UBR4: variants seen among roughly 807,000 people sequenced by gnomAD.
UBR4 encodes E3 ubiquitin-protein ligase UBR4.
Under a neutral mutation model 575.6 loss-of-function variants are expected in UBR4, and 124 were observed. That is an observed-to-expected ratio of 0.22 (90% confidence interval 0.19 to 0.25). The LOEUF (loss-of-function observed/expected upper bound fraction) is 0.25, where lower values mean the gene tolerates loss of function less well. UBR4 is among the 10% of genes least tolerant of loss of function. UBR4 has a pLI of 1.00. For missense variants in UBR4, 4,818 were observed against 6,478.8 expected, an observed-to-expected ratio of 0.74 and a Z score of 8.80; for synonymous variants, 2,455 against 2,473.7, an observed-to-expected ratio of 0.99 and a Z score of 0.22.
Position 19,138,069 on chromosome 1 carries a change from C to T in UBR4, c.8844G>A (p.Glu2948=). The T allele has an allele frequency of 1.3e-6, 2 of 1,596,746 alleles. No individual in the cohort carries two copies. The highest frequency in any genetic ancestry group is 1.1e-5 in the South Asian group (1 of 87,944). Residue 2948 remains glutamate (E), a synonymous_variant, in exon 60 of 106, where the codon GAG becomes GAA. Coordinates refer to ENST00000375254, the MANE Select transcript of UBR4 (RefSeq NM_020765.3). Reference sequence around the variant, plus strand: ...CTCCTTCTCCCTCGGAGCCATCTCCCTCCTGGTGCCCAGTGGTGGTGCTGA... The same window carrying T: ...CTCCTTCTCCCTCGGAGCCATCTCCTTCCTGGTGCCCAGTGGTGGTGCTGA... ...GAISTTTGHQ[E]GDGSEGEGEG...
intron 87 of UBR4, among the ~76,000 whole-genome samples, chr1:19,103,137 T>A (rs1012801701): frequency 1.8e-4 from 27 of 152,116 alleles, no homozygotes; most frequent in African/African-American, 6.3e-4. Context: ...TCAAAACTCA[T>A]AAAACACAAC....
chr1:19,095,762 T>C, intron 92 of UBR4, 110 bp from the exon 93 acceptor site: 1 of 956,106 alleles, frequency 1.0e-6, no homozygotes, highest in East Asian at 2.6e-5. Flanking sequence ...CAGGGGCTCC[T>C]CCTGAAATGA....
At position 19,081,412 on chromosome 1, in the gene UBR4, T is replaced by G. The variant is rs762532239; in HGVS notation, c.15170A>C (p.Glu5057Ala). The G allele has an allele frequency of 6.9e-5, 112 of 1,613,668 alleles. No homozygotes were observed. Among genetic ancestry groups the G allele is most frequent in the Middle Eastern group, 3.3e-4 (2 of 6,082 alleles). The change falls in exon 103 of 106, where the codon GAA (glutamate) becomes GCA (alanine). Residue 5057 changes from glutamate to alanine, a missense_variant. Glu to Ala is a moderately radical substitution (Grantham distance 107). This residue lies in a region of UBR4 where 212 missense variants were observed against 221.3 expected (regional missense o/e 0.96). Transcript: ENST00000375254. ...PPEQWRATRVEILRRLLVTSQ... is the reference protein window; with the variant it reads ...PPEQWRATRVAILRRLLVTSQ... ...GGTCACCAACAGCCTCCGCAAGATT[T>G]CCACACGTGTGGCTCTCCACTGCTC...
intron 34 of UBR4, among the ~76,000 whole-genome samples, chr1:19,163,061 G>T (rs1357250368): frequency 6.6e-6 from 1 of 152,106 alleles, no homozygotes; most frequent in Non-Finnish European, 1.5e-5. Context: ...GAAATCAAGA[G>T]AAAAAAATTC....
At position 19,192,203 on chromosome 1, in the gene UBR4, A is replaced by G; in HGVS notation, c.1379T>C (p.Leu460Pro). 1 of 1,613,814 alleles carries G rather than the reference A, an allele frequency of 6.2e-7. No individual in the cohort carries two copies. The change falls in exon 11 of 106, where the codon CTG (leucine) becomes CCG (proline). Residue 460 changes from leucine to proline, a missense_variant. Physicochemically the swap from Leu to Pro is moderately conservative, Grantham distance 98 (BLOSUM62 -3). Around this residue, in one of 29 missense-constraint regions of UBR4, gnomAD observed 162 missense variants for 216.4 expected, o/e 0.75. Transcript: ENST00000375254. ...RTKEGVGSPK[L>P]GPGKGHQGFG... Reference sequence around the variant, plus strand: ...AGACACATACCCTTTTCCAGGCCCCAGTTTAGGGGAGCCCACTCCCTCTTT... The same window carrying G: ...AGACACATACCCTTTTCCAGGCCCCGGTTTAGGGGAGCCCACTCCCTCTTT...
At position 19,110,102 on chromosome 1, in the gene UBR4, C is replaced by T. The variant is rs2079679243; in HGVS notation, c.12099G>A (p.Lys4033=). Reference sequence around the variant, plus strand: ...CCCCTGCTTGGCCCAGTACCTTGTTCTTCTTGCTAGTGGGAGCAGGTGGTT... The same window carrying T: ...CCCCTGCTTGGCCCAGTACCTTGTTTTTCTTGCTAGTGGGAGCAGGTGGTT... The part of the protein sequence containing the change: ...LIKPPAPTSK[K]NKDVPVEALT... Residue 4033 remains lysine (K), a synonymous_variant, in exon 81 of 106, where the codon AAG becomes AAA. Coordinates refer to ENST00000375254, the MANE Select transcript of UBR4 (RefSeq NM_020765.3). The surrounding 1 kb of genome is among the most constrained non-coding windows in gnomAD (Gnocchi z 4.5). 1 of 1,614,102 alleles carries T rather than the reference C, an allele frequency of 6.2e-7. No individual in the cohort carries two copies. The highest frequency in any genetic ancestry group is 8.5e-7 in the Non-Finnish European group (1 of 1,180,014).
At position 19,192,227 on chromosome 1, in the gene UBR4, TTAG is replaced by T. The variant is rs1186371800; in HGVS notation, c.1352_1354del (p.Thr451del). 6.2e-7 allele frequency: 1 copy of T among 1,614,182 alleles called. No homozygotes were observed. ...CAGTTTAGGGGAGCCCACTCCCTCT[TTAG>T]TACGAGAAAGGATGTCTCTGACTCG... is the stretch of plus-strand genomic sequence containing the variant. On this transcript the variant is annotated inframe_deletion, in exon 11 of 106. Transcript: ENST00000375254.
chr1:19,175,104 A>G (rs2090081740), intron 20 of UBR4, 71 bp from the exon 21 acceptor site: 8 of 1,376,612 alleles, frequency 5.8e-6, no homozygotes, highest in Non-Finnish European at 8.1e-6. Flanking sequence ...GCAATGTAAA[A>G]CTCAGAAAAT....
At chr1:19,081,162 A>G in intron 103 of UBR4, 187 bp downstream of exon 103, 1 of 569,930 alleles carries the variant, frequency 1.8e-6, no homozygotes, top group Non-Finnish European at 3.1e-6. Flanking sequence ...AAACCCAGAA[A>G]TGACCAGGCA....
At chr1:19,131,872 T>C (rs1262850215) in intron 60 of UBR4, among the ~76,000 whole-genome samples, 1 of 152,112 alleles carries the variant, frequency 6.6e-6, no homozygotes, top group Non-Finnish European at 1.5e-5. Context: ...AAACTACGTC[T>C]GAAAAAACAA....
chr1:19,183,956 T>C (rs2091275655), intron 16 of UBR4, 60 bp from the exon 17 acceptor site: 1 of 1,613,770 alleles, frequency 6.2e-7, no homozygotes, highest in African/African-American at 1.3e-5. Flanking sequence ...CACACCTCCC[T>C]GCCAACAGCC....
At chr1:19,115,900 T>C (rs1487864589) in intron 73 of UBR4, among the ~76,000 whole-genome samples, 1 of 152,158 alleles carries the variant, frequency 6.6e-6, no homozygotes, top group Non-Finnish European at 1.5e-5. Context: ...ACAACAGAAG[T>C]ATATAACAAG....
chr1:19,105,880 G>T (rs1300051579), intron 83 of UBR4, 38 bp from the exon 84 acceptor site: 1 of 1,479,592 alleles, frequency 6.8e-7, no homozygotes, highest in Non-Finnish European at 9.0e-7. Flanking sequence ...TAGACTCAGA[G>T]GATGCCCTGC....
chr1:19,150,846 C>A, intron 48 of UBR4, 53 bp from the exon 49 acceptor site: 1 of 1,584,362 alleles, frequency 6.3e-7, no homozygotes, highest in South Asian at 1.1e-5. Context: ...AAAGCCACCC[C>A]TCCAAAGCAA....
At chr1:19,185,016 A>T in intron 15 of UBR4, 83 bp downstream of exon 15, 1 of 1,547,086 alleles carries the variant, frequency 6.5e-7, no homozygotes, top group South Asian at 1.1e-5. Flanking sequence ...CAAGCCACAA[A>T]ATGTTTGCAT....
intron 9 of UBR4, 101 bp downstream of exon 9, chr1:19,193,332 A>C (rs1210506948): frequency 1.3e-6 from 2 of 1,499,608 alleles, no homozygotes; most frequent in Admixed American, 1.9e-5. Flanking sequence ...TAGTGTGGAG[A>C]ATACTCTAAG....
chr1:19,194,947 T>TTAAA (rs1049668421), intron 8 of UBR4, among the ~76,000 whole-genome samples: 28 of 151,038 alleles, frequency 1.9e-4, no homozygotes, highest in Non-Finnish European at 3.0e-4. Context: ...ACTGTATTTC[T>TTAAA]TAAATAAATA....
In UBR4 at chr1:19,076,749, C is replaced by T. The variant is rs764391143; in HGVS notation, c.15478G>A (p.Asp5160Asn). The T allele has an allele frequency of 3.1e-6, 5 of 1,613,996 alleles. No homozygotes were observed. Among genetic ancestry groups the T allele is most frequent in the South Asian group, 2.2e-5 (2 of 91,078 alleles). The change falls in exon 105 of 106, where the codon GAT becomes AAT. Residue 5160 changes from aspartate to asparagine, a missense_variant. Asp to Asn is a conservative substitution (Grantham distance 23, BLOSUM62 1). Coordinates refer to ENST00000375254, the MANE Select transcript of UBR4 (RefSeq NM_020765.3). Reference sequence around the variant, plus strand: ...AAACCTTGACACTAACCGGCCACATCGAGGAACTCTGAGAAGGTCTCCACT... The same window carrying T: ...AAACCTTGACACTAACCGGCCACATTGAGGAACTCTGAGAAGGTCTCCACT... ...MPVETFSEFL[D>N]VAGLLSEITD... is the part of the protein sequence containing the mutation.
chr1:19,122,800 C>G (rs761831730), intron 66 of UBR4, 33 bp downstream of exon 66: 7 of 1,612,858 alleles, frequency 4.3e-6, no homozygotes, highest in South Asian at 1.1e-5. Context: ...TCACATCCCC[C>G]CTCCCTGCCC....
Sources: allele counts gnomAD v4.1 joint callset (sites outside exome capture counted in the v4.1 genomes callset), GRCh38; gene constraint gnomAD v4.1.1; regional missense constraint gnomAD v4.1.1; non-coding constraint Gnocchi (gnomAD v3.1); transcripts MANE v1.5; gene names NCBI Gene and HGNC (gene_info 2026-07-23, HGNC 2026-07-21).